The following DNAJC15 variants were observed in gnomAD, a reference collection of about 807,000 sequenced individuals.
DNAJC15 encodes the protein DnaJ heat shock protein family (Hsp40) member C15, also known as dnaJ homolog subfamily C member 15.
Under a neutral mutation model 22.4 loss-of-function variants are expected in DNAJC15, and 27 were observed. The ratio of observed to expected loss-of-function variants is 1.20; its 90% CI spans 0.89 to 1.66. The LOEUF is 1.66. DNAJC15 is among the 40% of genes most tolerant of loss of function. The pLI, the probability that DNAJC15 is intolerant of heterozygous loss-of-function variation, is 0.00. For synonymous variants in DNAJC15, 79 were observed against 63.2 expected (o/e 1.25, Z -1.19); for missense variants, 208 against 187.1 (o/e 1.11, Z -0.65).
At chr13:43,031,964 G>A (rs2040405929) in intron 1 of DNAJC15, among the ~76,000 whole-genome samples, 1 of 152,234 alleles carries the variant, frequency 6.6e-6, no homozygotes. Context: ...AACTAGGATG[G>A]TGAAGCAATC....
chr13:43,057,484 G>C (rs2040537336), intron 1 of DNAJC15, among the ~76,000 whole-genome samples: 1 of 151,924 alleles, frequency 6.6e-6, no homozygotes, highest in Admixed American at 6.6e-5. Context: ...TATTTCTCTG[G>C]ATATTTTTAT....
intron 1 of DNAJC15, among the ~76,000 whole-genome samples, chr13:43,035,927 A>G (rs2040426818): frequency 1.3e-5 from 2 of 151,776 alleles, no homozygotes; most frequent in Admixed American, 6.6e-5. Flanking sequence ...GGGTCTTGCT[A>G]TGTTGCCGAG....
At chr13:43,033,160 C>T (rs994106955) in intron 1 of DNAJC15, among the ~76,000 whole-genome samples, 3 of 152,224 alleles carry the variant, frequency 2.0e-5, no homozygotes, top group African/African-American at 7.2e-5. Flanking sequence ...CAGGCCCCAC[C>T]TCCCACATTG....
chr13:43,062,869 C>T (rs2040565465), intron 1 of DNAJC15, among the ~76,000 whole-genome samples: 1 of 152,028 alleles, frequency 6.6e-6, no homozygotes, highest in Admixed American at 6.6e-5. Flanking sequence ...CAGGAGCCCA[C>T]CACCATGCCC....
chr13:43,107,138 G>A (rs2153442498), intron 5 of DNAJC15, 40 bp from the exon 6 acceptor site: 2 of 1,495,936 alleles, frequency 1.3e-6, no homozygotes, highest in Non-Finnish European at 1.8e-6. Flanking sequence ...GTATGTCAAT[G>A]ATGAAATGTA....
At chr13:43,049,071 A>G (rs971847336) in intron 1 of DNAJC15, among the ~76,000 whole-genome samples, 14 of 152,126 alleles carry the variant, frequency 9.2e-5, no homozygotes, top group African/African-American at 3.1e-4. Flanking sequence ...GTACAGGAAT[A>G]TACTTACTTT....
chr13:43,071,765 G>C lies in DNAJC15; in HGVS notation c.234+2762G>C, dbSNP rs1280745748. On this transcript the variant is annotated intron_variant, in intron 3 of 5. Coordinates refer to ENST00000379221, the MANE Select transcript of DNAJC15 (RefSeq NM_013238.3). ...GTCCAAGGCTCAAGTTTCAACGGGGGGTCTCTTTTCCTTGTTTCTTTAAAC... is the reference window on the plus strand; with the variant it reads ...GTCCAAGGCTCAAGTTTCAACGGGGCGTCTCTTTTCCTTGTTTCTTTAAAC... Among the ~76,000 whole-genome samples the C allele has an allele frequency of 2.0e-5, 3 of 152,038 alleles. No individual in the cohort carries two copies. In the East Asian group the frequency reaches 5.8e-4, roughly 29 times the overall value.
intron 4 of DNAJC15, among the ~76,000 whole-genome samples, chr13:43,079,694 C>T (rs1855608750): frequency 6.6e-6 from 1 of 152,128 alleles, no homozygotes; most frequent in African/African-American, 2.4e-5. Context: ...TGTTGATTAT[C>T]TTGAAATCTG....
At chr13:43,026,384 G>A (rs1301235616) in intron 1 of DNAJC15, among the ~76,000 whole-genome samples, 1 of 152,142 alleles carries the variant, frequency 6.6e-6, no homozygotes, top group Middle Eastern at 3.2e-3. Context: ...TACGATCAAT[G>A]GTCCCCCATC....
chr13:43,041,705 A>G (rs1014233493), intron 1 of DNAJC15, among the ~76,000 whole-genome samples: 1 of 152,236 alleles, frequency 6.6e-6, no homozygotes, highest in Admixed American at 6.5e-5. Context: ...CTACTTTTCT[A>G]AGAAGCAATC....
rs2040801461 is a variant in DNAJC15 at position 43,107,262 on chromosome 13, C to T, written c.*14C>T. On this transcript the variant is annotated 3_prime_UTR_variant, in exon 6 of 6. Coordinates refer to ENST00000379221, the MANE Select transcript of DNAJC15 (RefSeq NM_013238.3). ...ACCAAACATTGATGCTTAAGGACCA[C>T]ACTGAAGGAAAAAAAAAGAGGGGAC... The T allele has an allele frequency of 2.0e-6, 3 of 1,494,292 alleles. No individual in the cohort carries two copies. The highest frequency in any genetic ancestry group is 2.7e-6 in the Non-Finnish European group (3 of 1,130,782). The allele number at this position is 1,494,292 out of a possible 1,614,324, so 92.6% of individuals were successfully genotyped here.
At chr13:43,045,757 C>A (rs1347677816) in intron 1 of DNAJC15, among the ~76,000 whole-genome samples, 1 of 152,154 alleles carries the variant, frequency 6.6e-6, no homozygotes, top group Non-Finnish European at 1.5e-5. Context: ...AAATATAAAA[C>A]AATGTGAGAG....
chr13:43,086,110 C>T (rs904543929), intron 5 of DNAJC15, among the ~76,000 whole-genome samples: 8 of 152,086 alleles, frequency 5.3e-5, no homozygotes, highest in Non-Finnish European at 1.5e-5. Context: ...CAAGAAAAAT[C>T]GAAAACACGA....
intron 5 of DNAJC15, among the ~76,000 whole-genome samples, chr13:43,104,281 T>A (rs748503653): frequency 6.0e-4 from 92 of 152,192 alleles, no homozygotes; most frequent in Non-Finnish European, 1.2e-3. Context: ...TTCTAGAGTT[T>A]CATATATATC....
chr13:43,091,064 AT>A (rs2040712489), intron 5 of DNAJC15, among the ~76,000 whole-genome samples: 1 of 151,460 alleles, frequency 6.6e-6, no homozygotes, highest in Non-Finnish European at 1.5e-5. Flanking sequence ...TACAGATTCA[AT>A]TTATTTTATT....
chr13:43,082,299 T>G (rs1223288127), intron 4 of DNAJC15, among the ~76,000 whole-genome samples: 1 of 152,106 alleles, frequency 6.6e-6, no homozygotes, highest in East Asian at 1.9e-4. Flanking sequence ...AAATCTCTGG[T>G]CTAGGTACCA....
chr13:43,085,370 T>TC (rs1555276679), intron 4 of DNAJC15, among the ~76,000 whole-genome samples: 2 of 43,310 alleles, frequency 4.6e-5, no homozygotes, highest in African/African-American at 1.4e-4. Flanking sequence ...TCTTGGGGGG[T>TC]GGGGGGGGAA....
chr13:43,095,979 A>C (rs1251204154), intron 5 of DNAJC15, among the ~76,000 whole-genome samples: 1 of 152,102 alleles, frequency 6.6e-6, no homozygotes, highest in Non-Finnish European at 1.5e-5. Flanking sequence ...CAGAGGGATG[A>C]GTCATTAAGG....
chr13:43,061,318 C>T (rs1229397637), intron 1 of DNAJC15, among the ~76,000 whole-genome samples: 1 of 152,154 alleles, frequency 6.6e-6, no homozygotes, highest in Non-Finnish European at 1.5e-5. Context: ...AGTTTGAACG[C>T]TAGCTGCTTT....
Sources: gnomAD v4.1 joint callset for allele counts (sites outside exome capture counted in the v4.1 genomes callset) on GRCh38, gnomAD v4.1.1 for gene constraint, MANE v1.5 for transcripts, NCBI Gene and HGNC (gene_info 2026-07-23, HGNC 2026-07-21) for gene names.